Variants in LAMC3 observed in about 807,000 individuals in gnomAD.
LAMC3 encodes laminin subunit gamma-3.
In LAMC3, 128 loss-of-function variants were observed where a neutral mutation model predicts 173.8. The ratio of observed to expected loss-of-function variants is 0.74; its 90% CI spans 0.64 to 0.85. LAMC3 has a LOEUF of 0.85. Ranked by LOEUF, LAMC3 falls within the 40% of genes least tolerant of loss-of-function variation. LAMC3 has a pLI of 0.00. For missense variants in LAMC3, 2,022 were observed against 2,156.0 expected (o/e 0.94, Z 1.23); for synonymous variants, 897 against 909.1 (o/e 0.99, Z 0.24).
In LAMC3 at chr9:131,092,073, G is replaced by A. The variant is rs1453371570; in HGVS notation, c.*286G>A. The A allele has an allele frequency of 9.9e-6, 5 of 503,896 alleles. No individual in the cohort carries two copies. Among genetic ancestry groups the A allele is most frequent in the Non-Finnish European group, 1.8e-5 (5 of 274,422 alleles). The allele number at this position is 503,896 out of a possible 1,614,324, so 31.2% of individuals were successfully genotyped here. On this transcript the variant is annotated 3_prime_UTR_variant, in exon 28 of 28. Coordinates refer to ENST00000361069, the MANE Select transcript of LAMC3 (RefSeq NM_006059.4). ...GTCAATAACATACACACGTGAGGGTGCATGTCTGTGTGTATGACCCACACG... is the reference window on the plus strand; with the variant it reads ...GTCAATAACATACACACGTGAGGGTACATGTCTGTGTGTATGACCCACACG...
Position 131,012,579 on chromosome 9 carries a change from G to GCGCAT in LAMC3, c.373+2993_373+2994insGCATC, listed in dbSNP as rs1173192507. On this transcript the variant is annotated intron_variant, in intron 1 of 27. Coordinates refer to ENST00000361069, the MANE Select transcript of LAMC3 (RefSeq NM_006059.4). ...CAAGGGGCGCCGGGGGCCCAGCGCA[G>GCGCAT]CCCCAGATTTGGCCTCTTTTTGGTT... Among the ~76,000 whole-genome samples, 13 of 152,368 alleles carry GCGCAT rather than the reference G, an allele frequency of 8.5e-5. No individual in the cohort carries two copies. In the East Asian group the frequency reaches 9.7e-4, roughly 11 times the overall value.
intron 22 of LAMC3, among the ~76,000 whole-genome samples, chr9:131,078,484 C>CAA (rs1830173844): frequency 7.3e-6 from 1 of 137,634 alleles, no homozygotes; most frequent in Non-Finnish European, 1.5e-5. Flanking sequence ...GATTCTGTCT[C>CAA]AAAACAAAAC....
chr9:131,076,460 T>C (rs1357312376), intron 21 of LAMC3, among the ~76,000 whole-genome samples: 2 of 152,140 alleles, frequency 1.3e-5, no homozygotes, highest in African/African-American at 4.8e-5. Flanking sequence ...AACGAGACAT[T>C]CCTAAACGAG....
chr9:131,079,965 C>T (rs1830208589), intron 23 of LAMC3, among the ~76,000 whole-genome samples: 2 of 152,082 alleles, frequency 1.3e-5, no homozygotes, highest in South Asian at 2.1e-4. Flanking sequence ...GCAGCTGTAC[C>T]GATAATTTTG....
intron 13 of LAMC3, among the ~76,000 whole-genome samples, chr9:131,061,443 T>G (rs1210535290): frequency 6.6e-6 from 1 of 152,216 alleles, no homozygotes; most frequent in Non-Finnish European, 1.5e-5. Context: ...ATTTGGGCCA[T>G]TGAGAATTTG....
At chr9:131,055,635 C>A (rs1588154372) in intron 11 of LAMC3, among the ~76,000 whole-genome samples, 1 of 151,532 alleles carries the variant, frequency 6.6e-6, no homozygotes, top group Non-Finnish European at 1.5e-5. Flanking sequence ...CCGTGTTAGC[C>A]AGGATGGTCT....
chr9:131,026,373 C>A lies in LAMC3; in HGVS notation c.462C>A (p.Asp154Glu), dbSNP rs147423784. 1.9e-6 allele frequency: 3 copies of A among 1,614,044 alleles called. No individual in the cohort carries two copies. The African/African-American group carries it at 4.0e-5, about 22-fold the overall frequency. ...SFAIYKRSRA[D>E]GPWEPYQFYS... ...CCATCTACAAGCGCAGCCGCGCCGA[C>A]GGCCCATGGGAGCCCTACCAGTTCT... The change falls in exon 2 of 28, where the codon GAC becomes GAA. Residue 154 changes from aspartate to glutamate, a missense_variant. Asp to Glu is a conservative substitution (Grantham distance 45). Transcript: ENST00000361069. This position sits in a 1 kb window ranked among gnomAD's most constrained non-coding sequence, Gnocchi z 4.8.
chr9:131,056,003 T>C (rs1379953816), intron 11 of LAMC3, among the ~76,000 whole-genome samples: 1 of 149,582 alleles, frequency 6.7e-6, no homozygotes, highest in Non-Finnish European at 1.5e-5. Context: ...AAAACCAGCC[T>C]GGACAACAAG....
At chr9:131,045,050 C>T (rs1338151064) in intron 7 of LAMC3, among the ~76,000 whole-genome samples, 7 of 151,892 alleles carry the variant, frequency 4.6e-5, no homozygotes, top group African/African-American at 4.8e-5. Context: ...GGTGAAATCC[C>T]GTTTCTACTA....
At chr9:131,039,788 C>T (rs1588146524) in intron 6 of LAMC3, among the ~76,000 whole-genome samples, 3 of 151,830 alleles carry the variant, frequency 2.0e-5, no homozygotes, top group African/African-American at 7.3e-5. Flanking sequence ...GTTCTCTGGG[C>T]CTCTGGATAG....
At chr9:131,090,577 G>A (rs1265715535) in intron 27 of LAMC3, among the ~76,000 whole-genome samples, 1 of 152,206 alleles carries the variant, frequency 6.6e-6, no homozygotes, top group East Asian at 1.9e-4. Flanking sequence ...GGGGCCCAGT[G>A]GAATCCTGTG....
chr9:131,072,158 C>A (rs1380683534), intron 18 of LAMC3, among the ~76,000 whole-genome samples: 1 of 81,142 alleles, frequency 1.2e-5, no homozygotes, highest in East Asian at 2.9e-4. Flanking sequence ...GAGGGAGGAC[C>A]TGGAAATGGC....
In LAMC3 at chr9:131,057,119, C is replaced by T; in HGVS notation, c.2130C>T (p.Asn710=). The T allele has an allele frequency of 6.2e-7, 1 of 1,614,112 alleles. No individual in the cohort carries two copies. The highest frequency in any genetic ancestry group is 2.2e-5 in the East Asian group (1 of 44,884). Residue 710 remains asparagine, a synonymous_variant, in exon 12 of 28, where the codon AAC becomes AAT. Transcript: ENST00000361069. Reference sequence around the variant, plus strand: ...CCAGCTGTGTCCCCTGCACCTGTAACCAGCATGGCACCTGTGACCCCAACA... The same window carrying T: ...CCAGCTGTGTCCCCTGCACCTGTAATCAGCATGGCACCTGTGACCCCAACA... The part of the protein sequence containing the change: ...PYASCVPCTC[N]QHGTCDPNTG...
In LAMC3 at chr9:131,069,455, G is replaced by T. The variant is rs149393913; in HGVS notation, c.2891-217G>T. 2.6e-5 allele frequency among the ~76,000 whole-genome samples: 4 copies of T among 152,308 alleles called. 1 individual carries two copies. The South Asian group carries it at 8.3e-4, about 32-fold the overall frequency. On this transcript the variant is annotated intron_variant, in intron 16 of 27. Coordinates refer to ENST00000361069, the MANE Select transcript of LAMC3 (RefSeq NM_006059.4). ...AGTTCCTAAACCTGGCTGGTCCTCA[G>T]ATCCCGAGGGAACATTGGAATAAGC...
intron 7 of LAMC3, among the ~76,000 whole-genome samples, chr9:131,045,304 C>A (rs1834133782): frequency 6.6e-6 from 1 of 151,584 alleles, no homozygotes; most frequent in Non-Finnish European, 1.5e-5. Context: ...GACAAATGTA[C>A]TGTGGTAATG....
intron 11 of LAMC3, among the ~76,000 whole-genome samples, chr9:131,054,013 AAAAC>A (rs552843636): frequency 1.3e-3 from 134 of 107,140 alleles, no homozygotes; most frequent in Admixed American, 2.6e-3. Flanking sequence ...TAAAAAAAAA[AAAAC>A]AAAACAAAAA....
At chr9:131,055,623 C>T (rs1289097098) in intron 11 of LAMC3, among the ~76,000 whole-genome samples, 2 of 151,274 alleles carry the variant, frequency 1.3e-5, no homozygotes, top group Non-Finnish European at 2.9e-5. Context: ...GACGGGGTTT[C>T]ACCGTGTTAG....
At position 131,077,248 on chromosome 9, in the gene LAMC3, G is replaced by A. The variant is rs781285633; in HGVS notation, c.3691G>A (p.Glu1231Lys). The change falls in exon 22 of 28, where the codon GAA (glutamate) becomes AAA (lysine). Residue 1231 changes from glutamate to lysine, a missense_variant. Coordinates refer to ENST00000361069, the MANE Select transcript of LAMC3 (RefSeq NM_006059.4). ...LRTAVAEVLP[E>K]AESVLATVQQ... ...GACGGCTGTGGCAGAGGTGCTGCCT[G>A]AAGCGGAAAGCGTGTTGGCCACCGT... The A allele has an allele frequency of 3.1e-5, 50 of 1,613,910 alleles. No homozygotes were observed. The highest frequency in any genetic ancestry group is 4.1e-5 in the Non-Finnish European group (48 of 1,180,036).
intron 24 of LAMC3, among the ~76,000 whole-genome samples, chr9:131,082,797 G>A (rs879611379): frequency 2.6e-5 from 4 of 152,206 alleles, no homozygotes; most frequent in Non-Finnish European, 5.9e-5. Context: ...GATAAGGCAG[G>A]AACACACTCT....
Sources: gnomAD v4.1 joint callset for allele counts (sites outside exome capture counted in the v4.1 genomes callset) on GRCh38, gnomAD v4.1.1 for gene constraint, Gnocchi (gnomAD v3.1) non-coding constraint, MANE v1.5 for transcripts, NCBI Gene and HGNC (gene_info 2026-07-23, HGNC 2026-07-21) for gene names.